The following LY96 variants were observed in gnomAD, a reference collection of about 807,000 sequenced individuals.
The protein encoded by LY96 is myeloid differentiation protein-2.
Under a neutral mutation model 18.9 loss-of-function variants are expected in LY96, and 18 were observed. The observed-to-expected ratio is 0.95, with a 90% confidence interval of 0.66 to 1.41. The LOEUF (loss-of-function observed/expected upper bound fraction) is 1.41, where lower values mean the gene tolerates loss of function less well. Among genes scored for constraint, LY96 ranks in the 40% most tolerant of loss-of-function variants. LY96 has a pLI of 0.00. For missense variants in LY96, 175 were observed against 182.4 expected, an observed-to-expected ratio of 0.96 and a Z score of 0.23; for synonymous variants, 66 against 62.6, an observed-to-expected ratio of 1.06 and a Z score of -0.26.
intron 1 of LY96, 92 bp from the exon 2 acceptor site, chr8:74,004,704 C>G: frequency 8.4e-7 from 1 of 1,186,770 alleles, no homozygotes; most frequent in South Asian, 1.4e-5. Flanking sequence ...AATTTTAATG[C>G]AAGATTCATC....
At chr8:74,005,922 G>A (rs1383083716) in intron 2 of LY96, among the ~76,000 whole-genome samples, 25 of 152,152 alleles carry the variant, frequency 1.6e-4, no homozygotes, top group Non-Finnish European at 2.4e-4. Flanking sequence ...ATACTTTACA[G>A]AGTAGTTTTA....
At chr8:73,996,372 C>CCTTCCTTCCTTCCTTCCTTTCTTT (rs1816135382) in intron 1 of LY96, among the ~76,000 whole-genome samples, 2 of 110,902 alleles carry the variant, frequency 1.8e-5, no homozygotes, top group Non-Finnish European at 3.7e-5. Flanking sequence ...TTCCTTCATT[C>CCTTCCTTCCTTCCTTCCTTTCTTT]CTTTCTTTCT....
At chr8:73,991,686 C>T (rs1448739899) in intron 1 of LY96, 132 bp downstream of exon 1, 1 of 654,270 alleles carries the variant, frequency 1.5e-6, no homozygotes, top group African/African-American at 1.8e-5. Flanking sequence ...CGGACGCTGC[C>T]AGCAGGAAAA....
chr8:74,011,385 G>C (rs1816526933), intron 3 of LY96, among the ~76,000 whole-genome samples: 1 of 152,192 alleles, frequency 6.6e-6, no homozygotes, highest in African/African-American at 2.4e-5. Context: ...AGACAAATGG[G>C]ATTTAATTAC....
the LY96 span, among the ~76,000 whole-genome samples, chr8:74,049,969 A>G: frequency 0.018 from 2,686 of 152,220 alleles, 96 homozygotes; most frequent in Admixed American, 0.079. Context: ...AGTGAGCTGT[A>G]ATTGCACCAC....
At chr8:74,075,669 T>A in the LY96 span, among the ~76,000 whole-genome samples, 1 of 152,364 alleles carries the variant, frequency 6.6e-6, no homozygotes, top group Admixed American at 6.5e-5. Flanking sequence ...AAATATATTG[T>A]ATTTATCTTT....
At chr8:74,054,617 C>CTTTCTTTCTTTCTTTCT in the LY96 span, among the ~76,000 whole-genome samples, 2 of 70,098 alleles carry the variant, frequency 2.9e-5, no homozygotes, top group Non-Finnish European at 5.4e-5. Context: ...TTTCCTTTTC[C>CTTTCTTTCTTTCTTTCT]TTCTTTCTTT....
At position 74,010,051 on chromosome 8, in the gene LY96, A is replaced by G; in HGVS notation, c.253A>G (p.Met85Val). 6.2e-7 allele frequency: 1 copy of G among 1,610,696 alleles called. No homozygotes were observed. Among genetic ancestry groups the G allele is most frequent in the Non-Finnish European group, 8.5e-7 (1 of 1,177,020 alleles). ...YFNLYITVNT[M>V]NLPKRKEVIC... Reference sequence around the variant, plus strand: ...CAATCTCTATATAACTGTCAACACCATGAATCTTCCAAAGCGCAAAGAAGT... The same window carrying G: ...CAATCTCTATATAACTGTCAACACCGTGAATCTTCCAAAGCGCAAAGAAGT... The change falls in exon 3 of 5, where the codon ATG becomes GTG. Residue 85 changes from methionine (M) to valine (V), a missense_variant. Met to Val is a conservative substitution (Grantham distance 21, BLOSUM62 1). Coordinates refer to ENST00000284818, the MANE Select transcript of LY96 (RefSeq NM_015364.5).
the LY96 span, among the ~76,000 whole-genome samples, chr8:74,081,706 TGCAGTG>T: frequency 6.6e-6 from 1 of 152,006 alleles, no homozygotes; most frequent in Non-Finnish European, 1.5e-5. Flanking sequence ...CAGGCTGGAG[TGCAGTG>T]GCATGATCTC....
the LY96 span, among the ~76,000 whole-genome samples, chr8:74,088,484 A>C: frequency 6.6e-6 from 1 of 151,850 alleles, no homozygotes; most frequent in African/African-American, 2.4e-5. Flanking sequence ...ACATACCCCC[A>C]AGCATCCACC....
chr8:74,073,875 C>G, the LY96 span, among the ~76,000 whole-genome samples: 23 of 152,106 alleles, frequency 1.5e-4, no homozygotes, highest in South Asian at 4.8e-3. Flanking sequence ...CCAGGCTGGT[C>G]TTGAACCTCT....
chr8:74,001,550 TAAAAAC>T (rs1333112196), intron 1 of LY96, among the ~76,000 whole-genome samples: 1 of 151,772 alleles, frequency 6.6e-6, no homozygotes, highest in Non-Finnish European at 1.5e-5. Flanking sequence ...TTTTTTTAAT[TAAAAAC>T]AAAACAAAAA....
At chr8:74,057,442 C>T in the LY96 span, among the ~76,000 whole-genome samples, 23 of 152,322 alleles carry the variant, frequency 1.5e-4, no homozygotes, top group Admixed American at 3.9e-4. Flanking sequence ...TGTATTGGAT[C>T]ATCCTCAGAA....
At chr8:74,023,460 G>A (rs1185463928) in intron 3 of LY96, among the ~76,000 whole-genome samples, 1 of 152,206 alleles carries the variant, frequency 6.6e-6, no homozygotes, top group Non-Finnish European at 1.5e-5. Flanking sequence ...GGGAAAGAAA[G>A]GTACTTGCTT....
At chr8:74,045,332 G>A in the LY96 span, among the ~76,000 whole-genome samples, 2 of 152,104 alleles carry the variant, frequency 1.3e-5, no homozygotes, top group African/African-American at 2.4e-5. Context: ...ATAAAAACAC[G>A]AAGGCTACAA....
chr8:74,088,088 T>TAGAATAGAA, the LY96 span, among the ~76,000 whole-genome samples: 1 of 85,594 alleles, frequency 1.2e-5, no homozygotes, highest in African/African-American at 4.4e-5. Flanking sequence ...GAGAGAAGAA[T>TAGAATAGAA]AGAATAGAAT....
At chr8:74,037,889 G>A in the LY96 span, among the ~76,000 whole-genome samples, 1 of 152,132 alleles carries the variant, frequency 6.6e-6, no homozygotes, top group South Asian at 2.1e-4. Context: ...TCCCTTCTGA[G>A]TTTTCCCATT....
chr8:73,992,853 T>C (rs1816035039), intron 1 of LY96, among the ~76,000 whole-genome samples: 1 of 136,106 alleles, frequency 7.3e-6, no homozygotes. Context: ...TGTGTGTGTG[T>C]GTGTGTGTGT....
chr8:74,054,616 C>CTTT, the LY96 span, among the ~76,000 whole-genome samples: 443 of 88,780 alleles, frequency 5.0e-3, 10 homozygotes, highest in African/African-American at 0.02. Context: ...GTTTCCTTTT[C>CTTT]CTTCTTTCTT....
Sources: gnomAD v4.1 joint callset for allele counts (sites outside exome capture counted in the v4.1 genomes callset) on GRCh38, gnomAD v4.1.1 for gene constraint, MANE v1.5 for transcripts, NCBI Gene and HGNC (gene_info 2026-07-23, HGNC 2026-07-21) for gene names.